RILPL1: variants seen among roughly 807,000 people sequenced by gnomAD.
RILPL1 encodes RILP-like protein 1.
A neutral mutation model predicts 50.3 loss-of-function variants in RILPL1; 33 were observed. That is an observed-to-expected ratio of 0.66 (90% CI 0.50 to 0.88). RILPL1 has a LOEUF of 0.88. Ranked by LOEUF, RILPL1 falls within the 40% of genes least tolerant of loss-of-function variation. RILPL1 has a pLI of 0.00. For missense variants in RILPL1, 418 were observed against 542.5 expected, an observed-to-expected ratio of 0.77 and a Z score of 2.28; for synonymous variants, 205 against 228.6, an observed-to-expected ratio of 0.90 and a Z score of 0.93.
At chr12:123,504,292 A>C (rs1407497707) in intron 2 of RILPL1, among the ~76,000 whole-genome samples, 2 of 151,968 alleles carry the variant, frequency 1.3e-5, no homozygotes, top group African/African-American at 4.8e-5. Flanking sequence ...GCACAGAGGC[A>C]ACCCCTCAGC....
At chr12:123,508,012 G>A (rs1379477672) in intron 2 of RILPL1, among the ~76,000 whole-genome samples, 2 of 151,716 alleles carry the variant, frequency 1.3e-5, no homozygotes, top group South Asian at 2.1e-4. Context: ...GGGGGAATAG[G>A]GGGAATGGGG....
In RILPL1 at chr12:123,498,728, T is replaced by C; in HGVS notation, c.617A>G (p.His206Arg). The C allele has an allele frequency of 6.2e-7, 1 of 1,613,456 alleles. No individual in the cohort carries two copies. Among genetic ancestry groups the C allele is most frequent in the Non-Finnish European group, 8.5e-7 (1 of 1,179,892 alleles). ...QQQTRLMKIN[H>R]DLRHRVTVVE... ...CACCGTGACCCGGTGCCGAAGGTCATGGTTGATCTTCATCAGCCGTGTCTG... is the reference window on the plus strand; with the variant it reads ...CACCGTGACCCGGTGCCGAAGGTCACGGTTGATCTTCATCAGCCGTGTCTG... The change falls in exon 4 of 7, where the codon CAT (histidine) becomes CGT (arginine). Residue 206 changes from histidine to arginine, a missense_variant. His to Arg is a conservative substitution (Grantham distance 29, BLOSUM62 0). Coordinates refer to ENST00000376874, the MANE Select transcript of RILPL1 (RefSeq NM_178314.5). This position sits in a 1 kb window ranked among gnomAD's most constrained non-coding sequence, Gnocchi z 4.3.
intron 6 of RILPL1, among the ~76,000 whole-genome samples, chr12:123,478,271 G>T (rs1376174370): frequency 6.6e-6 from 1 of 151,860 alleles, no homozygotes; most frequent in Non-Finnish European, 1.5e-5. Flanking sequence ...AAAGTGTTGG[G>T]ATTACAGGCA....
At position 123,533,303 on chromosome 12, in the gene RILPL1, G is replaced by A. The variant is rs28492040; in HGVS notation, c.180C>T (p.Val60=). ...IARLMPKVVR[V]LEILEVLVSR... ...TGACCAGCACCTCCAGGATCTCCAG[G>A]ACGCGCACGACCTTGGGCATGAGGC... Residue 60 remains valine, a synonymous_variant, in exon 1 of 7, where the codon GTC becomes GTT. Coordinates refer to ENST00000376874, the MANE Select transcript of RILPL1 (RefSeq NM_178314.5). This position sits in a 1 kb window ranked among gnomAD's most constrained non-coding sequence, Gnocchi z 6.2. The A allele has an allele frequency of 2.5e-6, 4 of 1,582,812 alleles. No individual in the cohort carries two copies. The highest frequency in any genetic ancestry group is 2.6e-6 in the Non-Finnish European group (3 of 1,168,662).
chr12:123,502,378 T>G (rs1883451344), intron 2 of RILPL1, among the ~76,000 whole-genome samples: 1 of 152,230 alleles, frequency 6.6e-6, no homozygotes, highest in African/African-American at 2.4e-5. Flanking sequence ...CTGTCGTTTT[T>G]CCAGAGTCTT....
chr12:123,472,953 C>A, intron 6 of RILPL1: 1 of 367,628 alleles, frequency 2.7e-6, no homozygotes, highest in Non-Finnish European at 5.1e-6. Flanking sequence ...CCACGTTAGC[C>A]GCTATGGAGG....
chr12:123,493,145 C>G (rs989275197), intron 4 of RILPL1, among the ~76,000 whole-genome samples: 5 of 152,164 alleles, frequency 3.3e-5, no homozygotes, highest in African/African-American at 1.2e-4. Context: ...GTATAAAACC[C>G]GATTGTACGT....
chr12:123,506,174 A>AGAGGCCACAGAGGAAAG (rs1883737771), intron 2 of RILPL1, among the ~76,000 whole-genome samples: 1 of 152,234 alleles, frequency 6.6e-6, no homozygotes, highest in Admixed American at 6.5e-5. Context: ...CGCTGAGACC[A>AGAGGCCACAGAGGAAAG]GAGGCCACAG....
intron 1 of RILPL1, among the ~76,000 whole-genome samples, chr12:123,531,393 AGAGCCCCAGTTGGGG>A (rs1885440287): frequency 6.6e-6 from 1 of 152,190 alleles, no homozygotes; most frequent in South Asian, 2.1e-4. Flanking sequence ...ACAGAACTAA[AGAGCCCCAGTTGGGG>A]GACAGTATAG....
At chr12:123,516,059 A>AAT (rs1884676242) in intron 2 of RILPL1, among the ~76,000 whole-genome samples, 1 of 146,604 alleles carries the variant, frequency 6.8e-6, no homozygotes, top group African/African-American at 2.6e-5. Flanking sequence ...AAAAAAAAAA[A>AAT]ATGCCCCGAG....
In RILPL1 at chr12:123,503,035, C is replaced by T. The variant is rs570878103; in HGVS notation, c.461-3499G>A. 2.0e-3 allele frequency among the ~76,000 whole-genome samples: 296 copies of T among 151,664 alleles called. 2 individuals are homozygous for T. Among genetic ancestry groups the T allele is most frequent in the Non-Finnish European group, 3.7e-3 (253 of 67,930 alleles). ...CCCAAGTAGCTGGGACTACAGGTCC[C>T]CGCCACCACGCTCGGCTAATTTTTT... On this transcript the variant is annotated intron_variant, in intron 2 of 6. Coordinates refer to ENST00000376874, the MANE Select transcript of RILPL1 (RefSeq NM_178314.5).
At chr12:123,519,861 T>C (rs572603657) in intron 2 of RILPL1, 1 of 152,412 alleles carries the variant, frequency 6.6e-6, no homozygotes, top group South Asian at 2.1e-4. Context: ...GTGTCTCAGA[T>C]TGCTCACGTG....
chr12:123,479,681 C>T (rs950358076), intron 6 of RILPL1, among the ~76,000 whole-genome samples: 1 of 152,168 alleles, frequency 6.6e-6, no homozygotes, highest in Non-Finnish European at 1.5e-5. Flanking sequence ...CCCAGTTATC[C>T]CCCAGCAAGT....
chr12:123,502,080 C>CAA lies in RILPL1; in HGVS notation c.461-2546_461-2545dup, dbSNP rs35609573. On this transcript the variant is annotated intron_variant, in intron 2 of 6. Transcript: ENST00000376874. ...GGGCAACAAGAGTGAAACTTCGTCT[C>CAA]AAAAAAAAAAAAAAAAAGGAAAAGC... is the stretch of plus-strand genomic sequence containing the variant. Among the ~76,000 whole-genome samples the CAA allele has an allele frequency of 3.1e-4, 31 of 98,534 alleles. 1 individual carries two copies. Among genetic ancestry groups the CAA allele is most frequent in the Admixed American group, 2.8e-3 (27 of 9,696 alleles). 64.6% of individuals were successfully genotyped at this position (98,534 alleles called of 152,430 possible).
chr12:123,504,276 G>C lies in RILPL1; in HGVS notation c.461-4740C>G, dbSNP rs926356449. 2.6e-5 allele frequency among the ~76,000 whole-genome samples: 4 copies of C among 152,130 alleles called. No homozygotes were observed. The Middle Eastern group carries it at 0.01, about 388-fold the overall frequency. On this transcript the variant is annotated intron_variant, in intron 2 of 6. Transcript: ENST00000376874. ...ATGCAGCCAGATCTAATCCCATGAGGAGAAAGCACAGAGGCAACCCCTCAG... is the reference window on the plus strand; with the variant it reads ...ATGCAGCCAGATCTAATCCCATGAGCAGAAAGCACAGAGGCAACCCCTCAG...
chr12:123,487,518 G>C (rs1252526661), intron 4 of RILPL1, among the ~76,000 whole-genome samples: 2 of 151,640 alleles, frequency 1.3e-5, no homozygotes, highest in African/African-American at 4.8e-5. Flanking sequence ...TGTTGGTCAG[G>C]CTGGTCTTGA....
chr12:123,516,435 CG>C lies in RILPL1; in HGVS notation c.460+7059del, dbSNP rs371230999. Among the ~76,000 whole-genome samples, 337 of 152,360 alleles carry C rather than the reference CG, an allele frequency of 2.2e-3. 3 individuals carry two copies. The highest frequency in any genetic ancestry group is 0.018 in the South Asian group (87 of 4,832). On this transcript the variant is annotated intron_variant, in intron 2 of 6. Coordinates refer to ENST00000376874, the MANE Select transcript of RILPL1 (RefSeq NM_178314.5). ...ACCCTGCCGGACTCTGCTGAGACCA[CG>C]GCCCTCTGCCGGACCCTGCTGAGAT...
chr12:123,508,760 T>A (rs1883913662), intron 2 of RILPL1, among the ~76,000 whole-genome samples: 1 of 152,108 alleles, frequency 6.6e-6, no homozygotes, highest in Non-Finnish European at 1.5e-5. Context: ...TCCCAGCACT[T>A]TGGGAGGACA....
chr12:123,517,729 G>A (rs928697534), intron 2 of RILPL1, among the ~76,000 whole-genome samples: 17 of 152,066 alleles, frequency 1.1e-4, no homozygotes, highest in Admixed American at 5.3e-4. Flanking sequence ...TGAGAGCACC[G>A]TTGAGCTCAA....
Sources: allele counts gnomAD v4.1 joint callset (sites outside exome capture counted in the v4.1 genomes callset), GRCh38; gene constraint gnomAD v4.1.1; non-coding constraint Gnocchi (gnomAD v3.1); transcripts MANE v1.5; gene names NCBI Gene and HGNC (gene_info 2026-07-23, HGNC 2026-07-21).